The following MARCHF4 variants were observed in gnomAD, a reference collection of about 807,000 sequenced individuals.
The protein encoded by MARCHF4 is E3 ubiquitin-protein ligase MARCHF4.
A neutral mutation model predicts 43.9 loss-of-function variants in MARCHF4; 14 were observed. The observed-to-expected ratio is 0.32, with a 90% CI of 0.21 to 0.50. The LOEUF is 0.50. Ranked by LOEUF, MARCHF4 falls within the 20% of genes least tolerant of loss-of-function variation. The pLI is 0.98. For missense variants in MARCHF4, 468 were observed against 536.7 expected (o/e 0.87, Z 1.27); for synonymous variants, 226 against 213.3 (o/e 1.06, Z -0.52).
intron 1 of MARCHF4, among the ~76,000 whole-genome samples, chr2:216,349,919 A>C (rs542357328): frequency 1.6e-4 from 25 of 152,264 alleles, no homozygotes; most frequent in African/African-American, 5.8e-4. Flanking sequence ...TCGTGGCCTG[A>C]TGCTTTCCTC....
chr2:216,295,539 G>A (rs572390047), intron 1 of MARCHF4, among the ~76,000 whole-genome samples: 96 of 152,266 alleles, frequency 6.3e-4, no homozygotes, highest in Non-Finnish European at 9.7e-4. Flanking sequence ...TGAAACCTAG[G>A]GAGTGTTTAT....
chr2:216,347,527 C>T lies in MARCHF4; in HGVS notation c.516+22218G>A, dbSNP rs538235248. Among the ~76,000 whole-genome samples, 15 of 151,976 alleles carry T rather than the reference C, an allele frequency of 9.9e-5. No homozygotes were observed. In the East Asian group the frequency reaches 2.5e-3, roughly 26 times the overall value. On this transcript the variant is annotated intron_variant, in intron 1 of 3. Transcript: ENST00000273067. ...GAAGAACACGGTGTTTGAAAAATGC[C>T]GACCAGCCTGGCAAAGATGATGAAA...
chr2:216,312,855 T>C (rs1316150710), intron 1 of MARCHF4, among the ~76,000 whole-genome samples: 1 of 152,200 alleles, frequency 6.6e-6, no homozygotes, highest in East Asian at 1.9e-4. Flanking sequence ...TTGATTATTT[T>C]ATTTTGCTGT....
chr2:216,292,798 G>A (rs553995309), intron 1 of MARCHF4, among the ~76,000 whole-genome samples: 1 of 152,288 alleles, frequency 6.6e-6, no homozygotes, highest in African/African-American at 2.4e-5. Flanking sequence ...TAAGCTAGGA[G>A]AAACCAGAAG....
At chr2:216,321,395 G>A (rs1691893728) in intron 1 of MARCHF4, among the ~76,000 whole-genome samples, 2 of 152,138 alleles carry the variant, frequency 1.3e-5, no homozygotes, top group Non-Finnish European at 2.9e-5. Flanking sequence ...AATTGCAATG[G>A]TGGTTAAGTT....
intron 1 of MARCHF4, among the ~76,000 whole-genome samples, chr2:216,290,087 C>G (rs1276431895): frequency 6.6e-6 from 1 of 152,074 alleles, no homozygotes; most frequent in Non-Finnish European, 1.5e-5. Context: ...CTAGTCAAGA[C>G]AGACAATAAA....
At chr2:216,283,869 A>G in intron 1 of MARCHF4, 140 bp from the exon 2 acceptor site, 1 of 849,950 alleles carries the variant, frequency 1.2e-6, no homozygotes, top group South Asian at 1.9e-5. Flanking sequence ...ACCAGACTCC[A>G]TGGAGGAGGC....
chr2:216,340,002 C>A (rs753029721), intron 1 of MARCHF4, among the ~76,000 whole-genome samples: 2 of 152,082 alleles, frequency 1.3e-5, no homozygotes, highest in Non-Finnish European at 2.9e-5. Context: ...GCACCCACCC[C>A]CTTTCCCTCA....
chr2:216,342,317 T>C (rs1692250111), intron 1 of MARCHF4, among the ~76,000 whole-genome samples: 2 of 151,970 alleles, frequency 1.3e-5, no homozygotes, highest in Non-Finnish European at 2.9e-5. Flanking sequence ...AAACTGAAAA[T>C]CAGTTTTCTA....
intron 3 of MARCHF4, among the ~76,000 whole-genome samples, chr2:216,264,792 A>T (rs1240940671): frequency 6.6e-6 from 1 of 152,208 alleles, no homozygotes; most frequent in African/African-American, 2.4e-5. Context: ...CCTTCCAATT[A>T]TCTAACTGTC....
chr2:216,291,140 A>T (rs1032644798), intron 1 of MARCHF4, among the ~76,000 whole-genome samples: 3 of 152,172 alleles, frequency 2.0e-5, no homozygotes, highest in Non-Finnish European at 4.4e-5. Flanking sequence ...GCCAATGTTT[A>T]GAGGTCAGGA....
chr2:216,268,731 A>C (rs1329310340), intron 3 of MARCHF4, among the ~76,000 whole-genome samples: 1 of 152,226 alleles, frequency 6.6e-6, no homozygotes, highest in East Asian at 1.9e-4. Context: ...AGTTTCTCGT[A>C]CTGCACTAGG....
At chr2:216,260,454 G>A (rs1690723113) in intron 3 of MARCHF4, among the ~76,000 whole-genome samples, 1 of 152,214 alleles carries the variant, frequency 6.6e-6, no homozygotes, top group Non-Finnish European at 1.5e-5. Flanking sequence ...AGGGTGGTGG[G>A]AAAGGCCTTT....
intron 1 of MARCHF4, among the ~76,000 whole-genome samples, chr2:216,313,050 T>G (rs1691715549): frequency 6.6e-6 from 1 of 152,158 alleles, no homozygotes; most frequent in Non-Finnish European, 1.5e-5. Flanking sequence ...TTGAGTTAAT[T>G]TTTGTGTATG....
intron 1 of MARCHF4, among the ~76,000 whole-genome samples, chr2:216,321,203 C>T (rs1691890598): frequency 6.6e-6 from 1 of 152,058 alleles, no homozygotes; most frequent in Non-Finnish European, 1.5e-5. Context: ...GACTAATTAC[C>T]TCCCATCCAT....
intron 1 of MARCHF4, among the ~76,000 whole-genome samples, chr2:216,350,130 A>T (rs1692377708): frequency 6.6e-6 from 1 of 151,872 alleles, no homozygotes; most frequent in African/African-American, 2.4e-5. Context: ...ACACGATGCC[A>T]CGCCATGCCA....
intron 1 of MARCHF4, among the ~76,000 whole-genome samples, chr2:216,347,628 T>G (rs989866028): frequency 6.6e-6 from 1 of 151,836 alleles, no homozygotes; most frequent in Non-Finnish European, 1.5e-5. Context: ...CTCAGGAGGC[T>G]GAGGCAGGGA....
intron 3 of MARCHF4, among the ~76,000 whole-genome samples, chr2:216,266,487 C>A (rs1690847523): frequency 6.6e-6 from 1 of 152,162 alleles, no homozygotes; most frequent in Admixed American, 6.5e-5. Context: ...GACTCCCCAG[C>A]CCTCAGTCAA....
intron 1 of MARCHF4, among the ~76,000 whole-genome samples, chr2:216,332,741 T>C (rs1475102178): frequency 6.6e-6 from 1 of 152,160 alleles, no homozygotes; most frequent in African/African-American, 2.4e-5. Context: ...AACAAAGCTG[T>C]CTGAACTACC....
Sources: allele counts gnomAD v4.1 joint callset (sites outside exome capture counted in the v4.1 genomes callset), GRCh38; gene constraint gnomAD v4.1.1; transcripts MANE v1.5; gene names NCBI Gene and HGNC (gene_info 2026-07-23, HGNC 2026-07-21).